Variants in SNX11 observed in about 807,000 individuals in gnomAD.
The protein encoded by SNX11 is sorting nexin-11.
In SNX11, 19 loss-of-function variants were observed where a neutral mutation model predicts 30.7. The observed-to-expected ratio is 0.62, with a 90% CI of 0.43 to 0.91. SNX11 has a LOEUF of 0.91. Among genes scored for constraint, SNX11 ranks in the 40% least tolerant of loss-of-function variants. The pLI is 0.00. For missense variants in SNX11, 302 were observed against 326.7 expected (o/e 0.92, Z 0.58); for synonymous variants, 112 against 119.0 (o/e 0.94, Z 0.38).
chr17:48,119,188 T>A lies in SNX11; in HGVS notation c.539+2T>A. On this transcript the variant is annotated splice_donor_variant, in intron 6 of 6. Coordinates refer to ENST00000359238, the MANE Select transcript of SNX11 (RefSeq NM_013323.3). LOFTEE classifies it high-confidence loss of function. Reference sequence around the variant, plus strand: ...GGCTAAAGGAGACCAGCCTAAGAGGTAACTGGAGTACTCTTTGAGATAGCA... The same window carrying A: ...GGCTAAAGGAGACCAGCCTAAGAGGAAACTGGAGTACTCTTTGAGATAGCA... 6.2e-7 allele frequency: 1 copy of A among 1,609,672 alleles called. No homozygotes were observed. Among genetic ancestry groups the A allele is most frequent in the Middle Eastern group, 1.7e-4 (1 of 6,044 alleles).
At chr17:48,112,955 T>C in intron 3 of SNX11, 2 of 261,548 alleles carry the variant, frequency 7.6e-6, no homozygotes, top group Non-Finnish European at 1.5e-5. Flanking sequence ...CCAGGCTGGT[T>C]TTGAACTCCT....
intron 3 of SNX11, 124 bp downstream of exon 3, chr17:48,112,784 G>A: frequency 1.9e-6 from 1 of 513,140 alleles, no homozygotes; most frequent in Non-Finnish European, 3.4e-6. Flanking sequence ...AGGCTGGAGT[G>A]CAGTGGTGTG....
chr17:48,110,674 C>A (rs929466968), intron 1 of SNX11: 10 of 152,486 alleles, frequency 6.6e-5, no homozygotes, highest in African/African-American at 2.4e-4. Flanking sequence ...AGAGGGAGGG[C>A]TTAGAGATAT....
In SNX11 at chr17:48,108,683, G is replaced by A. The variant is rs1435922981; in HGVS notation, c.-14+845G>A. On this transcript the variant is annotated intron_variant, in intron 1 of 6. Transcript: ENST00000359238. ...AAGGAAACTTCAGATGTGGTTGAAA[G>A]GGCCCAGAAAATGTAGTTAACACTA... Among the ~76,000 whole-genome samples the A allele has an allele frequency of 1.3e-5, 2 of 152,196 alleles. 1 individual carries two copies. Among genetic ancestry groups the A allele is most frequent in the African/African-American group, 4.8e-5 (2 of 41,456 alleles).
intron 1 of SNX11, among the ~76,000 whole-genome samples, chr17:48,111,522 C>T (rs2063492139): frequency 6.6e-6 from 1 of 152,022 alleles, no homozygotes; most frequent in South Asian, 2.1e-4. Flanking sequence ...TGGCACGTGC[C>T]TGTAATCCCA....
chr17:48,112,789 GGTGT>G (rs1598331338), intron 3 of SNX11, 129 bp downstream of exon 3: 1 of 492,006 alleles, frequency 2.0e-6, no homozygotes, highest in Non-Finnish European at 3.6e-6. Flanking sequence ...GGAGTGCAGT[GGTGT>G]GATCTCGGCT....
At chr17:48,113,531 CT>C in intron 4 of SNX11, 130 bp downstream of exon 4, 4 of 590,184 alleles carry the variant, frequency 6.8e-6, no homozygotes, top group Middle Eastern at 3.3e-4. Context: ...TATGTTGTTT[CT>C]TTTTTTGTTT....
At chr17:48,116,116 G>A (rs897240481) in intron 4 of SNX11, among the ~76,000 whole-genome samples, 2 of 151,908 alleles carry the variant, frequency 1.3e-5, no homozygotes, top group African/African-American at 2.4e-5. Flanking sequence ...AAAACTAGCC[G>A]GGTGTGGTGG....
intron 1 of SNX11, among the ~76,000 whole-genome samples, chr17:48,110,552 T>C (rs1347073561): frequency 6.6e-6 from 1 of 152,210 alleles, no homozygotes; most frequent in Non-Finnish European, 1.5e-5. Context: ...AGAAGGAAAC[T>C]CATTACACAG....
chr17:48,117,364 C>G (rs1316839293), intron 4 of SNX11, among the ~76,000 whole-genome samples: 1 of 151,870 alleles, frequency 6.6e-6, no homozygotes, highest in African/African-American at 2.4e-5. Flanking sequence ...ACGCCATTCT[C>G]CTGCCTCAGC....
chr17:48,108,594 T>C (rs2063459478), intron 1 of SNX11, among the ~76,000 whole-genome samples: 1 of 152,238 alleles, frequency 6.6e-6, no homozygotes, highest in Non-Finnish European at 1.5e-5. Flanking sequence ...TGAATCTACT[T>C]TGTAAACAGC....
At chr17:48,119,930 C>A (rs900844423) in intron 6 of SNX11, among the ~76,000 whole-genome samples, 2 of 152,160 alleles carry the variant, frequency 1.3e-5, no homozygotes, top group African/African-American at 2.4e-5. Flanking sequence ...TTCCCTCCCC[C>A]CCAGCTCCTG....
chr17:48,113,219 G>GAA, intron 3 of SNX11, 82 bp from the exon 4 acceptor site: 1 of 1,164,048 alleles, frequency 8.6e-7, no homozygotes, highest in Non-Finnish European at 1.3e-6. Flanking sequence ...GCTCCTCAGT[G>GAA]AAAGCAATGA....
intron 1 of SNX11, among the ~76,000 whole-genome samples, chr17:48,111,446 G>A (rs2144504887): frequency 6.6e-6 from 1 of 152,168 alleles, no homozygotes; most frequent in South Asian, 2.1e-4. Context: ...TCAGGAGTTC[G>A]AGACCAGCCT....
intron 1 of SNX11, chr17:48,111,242 G>A (rs780745147): frequency 9.5e-6 from 4 of 420,912 alleles, no homozygotes; most frequent in Non-Finnish European, 1.3e-5. Context: ...ATTCACCTGT[G>A]GGGAGTTGAC....
At chr17:48,112,731 CTTTTT>C (rs373077316) in intron 3 of SNX11, 71 bp downstream of exon 3, 71 of 589,376 alleles carry the variant, frequency 1.2e-4, no homozygotes, top group East Asian at 2.6e-4. Context: ...GAGGTGTAAC[CTTTTT>C]TTTTTTTTTT....
intron 4 of SNX11, among the ~76,000 whole-genome samples, chr17:48,116,551 T>G (rs897492586): frequency 6.6e-6 from 1 of 151,412 alleles, no homozygotes; most frequent in African/African-American, 2.4e-5. Context: ...TAATAGTTGA[T>G]GGTGGGTGTG....
intron 1 of SNX11, among the ~76,000 whole-genome samples, chr17:48,108,714 T>G (rs958173622): frequency 5.9e-5 from 9 of 152,242 alleles, no homozygotes; most frequent in Non-Finnish European, 1.0e-4. Context: ...CACTAAGTTA[T>G]GTAACTAGCT....
At chr17:48,117,533 AGGCGTGAGCCACC>A (rs2063558265) in intron 4 of SNX11, among the ~76,000 whole-genome samples, 3 of 150,478 alleles carry the variant, frequency 2.0e-5, no homozygotes, top group Non-Finnish European at 4.4e-5. Context: ...CTGGGATTAC[AGGCGTGAGCCACC>A]GCGCCTGGCT....
Sources: allele counts gnomAD v4.1 joint callset (sites outside exome capture counted in the v4.1 genomes callset), GRCh38; gene constraint gnomAD v4.1.1; transcripts MANE v1.5; gene names NCBI Gene and HGNC (gene_info 2026-07-23, HGNC 2026-07-21).